The following DACH1 variants were observed in gnomAD, a reference collection of about 807,000 sequenced individuals.
DACH1 encodes the protein dachshund family transcription factor 1, also known as dachshund homolog 1.
DACH1 carries 12 observed loss-of-function variants against 54.2 expected under a neutral mutation model. The ratio of observed to expected loss-of-function variants is 0.22; its 90% confidence interval spans 0.14 to 0.36. The LOEUF is 0.36. Ranked by LOEUF, DACH1 falls within the 10% of genes least tolerant of loss-of-function variation. The pLI, the probability that DACH1 is intolerant of heterozygous loss-of-function variation, is 1.00. For synonymous variants in DACH1, 386 were observed against 366.2 expected, an observed-to-expected ratio of 1.05 and a Z score of -0.62; for missense variants, 805 against 929.8, an observed-to-expected ratio of 0.87 and a Z score of 1.75.
intron 2 of DACH1, among the ~76,000 whole-genome samples, chr13:71,669,608 C>G (rs1880088851): frequency 6.6e-6 from 1 of 152,132 alleles, no homozygotes; most frequent in Non-Finnish European, 1.5e-5. Flanking sequence ...TCCACAAAAC[C>G]AGTCCCTGGT....
rs887799480 is a variant in DACH1, at chr13:71,811,960, T to C, written c.848+53962A>G. ...TTTCCTTCTACCTATTTTTATTCTCTAGTACTTTACTTTTTTTCTGTCATG... is the reference window on the plus strand; with the variant it reads ...TTTCCTTCTACCTATTTTTATTCTCCAGTACTTTACTTTTTTTCTGTCATG... On this transcript the variant is annotated intron_variant, in intron 1 of 10. Transcript: ENST00000613252. Among the ~76,000 whole-genome samples, 4 of 152,346 alleles carry C rather than the reference T, an allele frequency of 2.6e-5. 1 individual carries two copies. In the South Asian group the frequency reaches 6.2e-4, roughly 24 times the overall value.
At chr13:71,836,904 G>A (rs527295038) in intron 1 of DACH1, among the ~76,000 whole-genome samples, 4 of 151,668 alleles carry the variant, frequency 2.6e-5, no homozygotes, top group Non-Finnish European at 5.9e-5. Context: ...ATGAGGGTAG[G>A]GATTTTTATC....
intron 4 of DACH1, among the ~76,000 whole-genome samples, chr13:71,564,775 A>G (rs1379838522): frequency 6.6e-6 from 1 of 151,792 alleles, no homozygotes; most frequent in Non-Finnish European, 1.5e-5. Context: ...TATAATCACA[A>G]CTCATTTCTC....
At chr13:71,716,858 G>C (rs1266747775) in intron 1 of DACH1, among the ~76,000 whole-genome samples, 1 of 152,066 alleles carries the variant, frequency 6.6e-6, no homozygotes, top group African/African-American at 2.4e-5. Context: ...TAAGTTCTGG[G>C]ATATATGTGC....
In DACH1 at chr13:71,865,909, C is replaced by T. The variant is rs747416084; in HGVS notation, c.848+13G>A. On this transcript the variant is annotated intron_variant, in intron 1 of 10. Transcript: ENST00000613252. ...AGGGGCGCGGGCGGCGGGGGCTATCCCCCCCGACTCACCTTGCGTTGGTGC... is the reference window on the plus strand; with the variant it reads ...AGGGGCGCGGGCGGCGGGGGCTATCTCCCCCGACTCACCTTGCGTTGGTGC... 8 of 1,590,598 alleles carry T rather than the reference C, an allele frequency of 5.0e-6. No individual in the cohort carries two copies. Among genetic ancestry groups the T allele is most frequent in the South Asian group, 1.1e-5 (1 of 88,276 alleles).
intron 3 of DACH1, among the ~76,000 whole-genome samples, chr13:71,627,947 C>A (rs886606096): frequency 6.6e-6 from 1 of 151,984 alleles, no homozygotes; most frequent in African/African-American, 2.4e-5. Context: ...ATAATAATAG[C>A]AAAAGCAATC....
chr13:71,777,193 C>T (rs981032557), intron 1 of DACH1, among the ~76,000 whole-genome samples: 2 of 152,002 alleles, frequency 1.3e-5, no homozygotes, highest in African/African-American at 2.4e-5. Flanking sequence ...TCTTCTTGTC[C>T]GTACGGTATA....
At chr13:71,738,257 A>G (rs1884225130) in intron 1 of DACH1, among the ~76,000 whole-genome samples, 1 of 152,156 alleles carries the variant, frequency 6.6e-6, no homozygotes. Context: ...TGAGAAATAT[A>G]GGTAAAACAA....
At chr13:71,571,288 A>G (rs1333829985) in intron 4 of DACH1, among the ~76,000 whole-genome samples, 1 of 152,170 alleles carries the variant, frequency 6.6e-6, no homozygotes, top group African/African-American at 2.4e-5. Context: ...GTAGCCATTG[A>G]CTACAATGAT....
intron 2 of DACH1, among the ~76,000 whole-genome samples, chr13:71,633,374 T>G (rs967535095): frequency 2.0e-5 from 3 of 152,208 alleles, no homozygotes; most frequent in Admixed American, 2.0e-4. Flanking sequence ...AAGAAAGGCT[T>G]GGCCTCACTA....
chr13:71,821,974 T>C (rs1888206009), intron 1 of DACH1, among the ~76,000 whole-genome samples: 1 of 151,964 alleles, frequency 6.6e-6, no homozygotes. Context: ...GGCAGGAGAA[T>C]TGCTTGAACC....
intron 10 of DACH1, among the ~76,000 whole-genome samples, chr13:71,473,569 A>T (rs2138167956): frequency 6.6e-6 from 1 of 152,358 alleles, no homozygotes; most frequent in African/African-American, 2.4e-5. Context: ...CCTTATTAAC[A>T]ACCAACATGT....
intron 8 of DACH1, among the ~76,000 whole-genome samples, chr13:71,477,934 GCCCTCTAGTGGTTAACGAAAGAAAA>G (rs1171425188): frequency 3.3e-5 from 5 of 152,184 alleles, no homozygotes; most frequent in Admixed American, 6.5e-5. Flanking sequence ...TGAATGTTTT[GCCCTCTAGTGGTTAACGAAAGAAAA>G]CAGAATGTAA....
At chr13:71,633,054 T>G (rs2138575910) in intron 2 of DACH1, among the ~76,000 whole-genome samples, 1 of 152,340 alleles carries the variant, frequency 6.6e-6, no homozygotes, top group African/African-American at 2.4e-5. Context: ...ATCTCCAATT[T>G]ATGACTTCAA....
At chr13:71,491,515 C>T (rs558490596) in intron 6 of DACH1, among the ~76,000 whole-genome samples, 2 of 152,180 alleles carry the variant, frequency 1.3e-5, no homozygotes, top group South Asian at 4.1e-4. Flanking sequence ...TAATTGGATT[C>T]CTTCATTTAT....
At chr13:71,772,785 G>GA (rs1428993124) in intron 1 of DACH1, among the ~76,000 whole-genome samples, 2 of 151,434 alleles carry the variant, frequency 1.3e-5, no homozygotes, top group Non-Finnish European at 3.0e-5. Context: ...CTTAAATAAA[G>GA]AAAAAAGTTT....
At chr13:71,488,687 T>C (rs977423201) in intron 7 of DACH1, among the ~76,000 whole-genome samples, 10 of 151,904 alleles carry the variant, frequency 6.6e-5, no homozygotes, top group African/African-American at 2.2e-4. Flanking sequence ...ACTTAAACAG[T>C]TAAATTCCTC....
At chr13:71,545,000 A>G (rs1259083591) in intron 6 of DACH1, among the ~76,000 whole-genome samples, 1 of 152,100 alleles carries the variant, frequency 6.6e-6, no homozygotes, top group Non-Finnish European at 1.5e-5. Context: ...ACCTTGAATT[A>G]TCTTACTTCT....
intron 1 of DACH1, among the ~76,000 whole-genome samples, chr13:71,860,330 T>A (rs918342076): frequency 6.6e-6 from 1 of 151,768 alleles, no homozygotes; most frequent in Non-Finnish European, 1.5e-5. Flanking sequence ...CTAAGGTCAT[T>A]CTATTTTTAT....
Sources: gnomAD v4.1 joint callset for allele counts (sites outside exome capture counted in the v4.1 genomes callset) on GRCh38, gnomAD v4.1.1 for gene constraint, MANE v1.5 for transcripts, NCBI Gene and HGNC (gene_info 2026-07-23, HGNC 2026-07-21) for gene names.